The following SCN3B variants were observed in gnomAD, a reference collection of about 807,000 sequenced individuals.
SCN3B encodes the protein sodium voltage-gated channel beta subunit 3.
In SCN3B, 11 loss-of-function variants were observed where a neutral mutation model predicts 25.4. The ratio of observed to expected loss-of-function variants is 0.43; its 90% CI spans 0.27 to 0.72. SCN3B has a LOEUF of 0.72. Among genes scored for constraint, SCN3B ranks in the 30% least tolerant of loss-of-function variants. The pLI is 0.18. For synonymous variants in SCN3B, 109 were observed against 110.7 expected (o/e 0.99, Z 0.09); for missense variants, 218 against 278.3 (o/e 0.78, Z 1.54).
intron 5 of SCN3B, among the ~76,000 whole-genome samples, chr11:123,636,724 C>T (rs1955729624): frequency 6.6e-6 from 1 of 151,744 alleles, no homozygotes; most frequent in Non-Finnish European, 1.5e-5. Context: ...GATGGAGTCT[C>T]GCTCTGTCGC....
intron 6 of SCN3B, 92 bp downstream of exon 6, chr11:123,634,029 A>T (rs1024735921): frequency 3.2e-5 from 34 of 1,058,404 alleles, no homozygotes; most frequent in African/African-American, 4.7e-5. Context: ...CTAAGGGACC[A>T]AATTTAAAGT....
intron 5 of SCN3B, among the ~76,000 whole-genome samples, chr11:123,635,158 G>C (rs1282839657): frequency 2.0e-5 from 3 of 152,212 alleles, no homozygotes; most frequent in Non-Finnish European, 2.9e-5. Context: ...TTTAGTATGA[G>C]AGATGGGGAA....
At position 123,631,051 on chromosome 11, in the gene SCN3B, T is replaced by C. The variant is rs1955665856; in HGVS notation, c.*2748A>G. 1 of 152,138 alleles carries C rather than the reference T, an allele frequency of 6.6e-6. No homozygotes were observed. Among genetic ancestry groups the C allele is most frequent in the Admixed American group, 6.5e-5 (1 of 15,272 alleles). The allele number at this position is 152,138 out of a possible 1,614,324, so 9.4% of individuals were successfully genotyped here. A position where few individuals can be genotyped will look rare whatever the true frequency, so the allele number is the denominator to read the frequency against. ...GACCAGTTATAGAGAAGAAATAAAA[T>C]AGTTAAGTGAAAATACTTCGTAAAC... On this transcript the variant is annotated 3_prime_UTR_variant, in exon 7 of 7. Transcript: ENST00000299333.
At chr11:123,636,670 G>C (rs1955728144) in intron 5 of SCN3B, among the ~76,000 whole-genome samples, 1 of 150,110 alleles carries the variant, frequency 6.7e-6, no homozygotes, top group South Asian at 2.1e-4. Context: ...TCTGAACACT[G>C]TCTCTCCTCC....
intron 2 of SCN3B, among the ~76,000 whole-genome samples, chr11:123,652,013 T>C (rs1274799115): frequency 6.6e-6 from 1 of 152,224 alleles, no homozygotes; most frequent in African/African-American, 2.4e-5. Context: ...GAGACTCCAA[T>C]GCAGGTTGCA....
At chr11:123,643,796 T>C (rs60996286) in intron 3 of SCN3B, among the ~76,000 whole-genome samples, 5,508 of 152,332 alleles carry the variant, frequency 0.036, 324 homozygotes, top group African/African-American at 0.12. Context: ...GGCCTTTGCA[T>C]CTGGCCAAGA....
At chr11:123,653,890 T>G in intron 1 of SCN3B, 64 bp from the exon 2 acceptor site, 1 of 1,447,516 alleles carries the variant, frequency 6.9e-7, no homozygotes, top group East Asian at 2.3e-5. Flanking sequence ...GGAAACCCTT[T>G]GGGACGAACT....
chr11:123,642,813 G>C lies in SCN3B; in HGVS notation c.220-142C>G, dbSNP rs1037554685. 1 of 721,106 alleles carries C rather than the reference G, an allele frequency of 1.4e-6. No homozygotes were observed. Among genetic ancestry groups the C allele is most frequent in the Non-Finnish European group, 2.5e-6 (1 of 404,300 alleles). The allele number at this position is 721,106 out of a possible 1,614,324, so 44.7% of individuals were successfully genotyped here. On this transcript the variant is annotated intron_variant, in intron 3 of 6. Transcript: ENST00000299333. This position sits in a 1 kb window ranked among gnomAD's most constrained non-coding sequence, Gnocchi z 4.3. ...GGGGACAATGCCACCGGGAGACCCA[G>C]AATGTGGGGGTGGGATGAAGAGGCA...
chr11:123,644,801 ATATATATATATATATATAT>A (rs1238378214), intron 3 of SCN3B, among the ~76,000 whole-genome samples: 30 of 23,010 alleles, frequency 1.3e-3, no homozygotes, highest in African/African-American at 6.4e-3. Context: ...GAGAGAGAGA[ATATATATATATATATATAT>A]ATATATATAT....
At chr11:123,651,985 T>A (rs1345775188) in intron 2 of SCN3B, among the ~76,000 whole-genome samples, 1 of 152,222 alleles carries the variant, frequency 6.6e-6, no homozygotes, top group East Asian at 1.9e-4. Flanking sequence ...TGTTATATAG[T>A]AAGCTAGTGG....
At chr11:123,640,679 C>G (rs2137239320) in intron 4 of SCN3B, 2 of 152,300 alleles carry the variant, frequency 1.3e-5, no homozygotes, top group Admixed American at 1.3e-4. Context: ...GCAGAGAACT[C>G]TGTTCTCCCA....
At chr11:123,644,828 T>C (rs1955834746) in intron 3 of SCN3B, among the ~76,000 whole-genome samples, 1 of 97,816 alleles carries the variant, frequency 1.0e-5, no homozygotes, top group Admixed American at 1.1e-4. Context: ...TATATATATA[T>C]ATATATATAT....
At position 123,632,146 on chromosome 11, in the gene SCN3B, C is replaced by T. The variant is rs1955679742; in HGVS notation, c.*1653G>A. ...AAGTTTTTTCCAGTTTCTCTGCTCCCTCAAAATCTAGGGGAAAAAAATCTG... is the reference window on the plus strand; with the variant it reads ...AAGTTTTTTCCAGTTTCTCTGCTCCTTCAAAATCTAGGGGAAAAAAATCTG... On this transcript the variant is annotated 3_prime_UTR_variant, in exon 7 of 7. Transcript: ENST00000299333. 6.6e-6 allele frequency: 1 copy of T among 152,144 alleles called. No homozygotes were observed. The highest frequency in any genetic ancestry group is 2.1e-4 in the South Asian group (1 of 4,824). The allele number at this position is 152,144 out of a possible 1,614,324, so 9.4% of individuals were successfully genotyped here.
At position 123,634,055 on chromosome 11, in the gene SCN3B, C is replaced by T. The variant is rs181997832; in HGVS notation, c.*22+66G>A. 47 of 1,320,228 alleles carry T rather than the reference C, an allele frequency of 3.6e-5. No homozygotes were observed. In the East Asian group the frequency reaches 1.0e-3, roughly 29 times the overall value. The allele number at this position is 1,320,228 out of a possible 1,614,324, so 81.8% of individuals were successfully genotyped here. On this transcript the variant is annotated intron_variant, in intron 6 of 6. Coordinates refer to ENST00000299333, the MANE Select transcript of SCN3B (RefSeq NM_001040151.2). ...AATTTAAAGTCACTTCAGTTGTGGG[C>T]AACAAAGTCACTTGTACAACCTGCC...
rs1955691078 is a variant in SCN3B at position 123,633,141 on chromosome 11, G to A, written c.*658C>T. 6.6e-6 allele frequency: 1 copy of A among 152,182 alleles called. No individual in the cohort carries two copies. Among genetic ancestry groups the A allele is most frequent in the Admixed American group, 6.5e-5 (1 of 15,284 alleles). 9.4% of individuals were successfully genotyped at this position (152,182 alleles called of 1,614,324 possible). A position where few individuals can be genotyped will look rare whatever the true frequency, so the allele number is the denominator to read the frequency against. Reference sequence around the variant, plus strand: ...GGTCCTTCCCAAGTCTCCTGTCCTTGTCTTCTTGGAGGGAACCTTAGAGAC... The same window carrying A: ...GGTCCTTCCCAAGTCTCCTGTCCTTATCTTCTTGGAGGGAACCTTAGAGAC... On this transcript the variant is annotated 3_prime_UTR_variant, in exon 7 of 7. Coordinates refer to ENST00000299333, the MANE Select transcript of SCN3B (RefSeq NM_001040151.2).
At chr11:123,639,380 T>C (rs1331186078) in intron 4 of SCN3B, 3 of 151,872 alleles carry the variant, frequency 2.0e-5, no homozygotes, top group Non-Finnish European at 2.9e-5. Flanking sequence ...ACTTTTCTTT[T>C]CTCTTTTTTT....
At chr11:123,653,220 G>T (rs1404825005) in intron 2 of SCN3B, among the ~76,000 whole-genome samples, 2 of 151,782 alleles carry the variant, frequency 1.3e-5, no homozygotes, top group Admixed American at 1.3e-4. Context: ...ATATATAGCA[G>T]TAAATGGCTG....
intron 1 of SCN3B, 168 bp downstream of exon 1, chr11:123,654,058 C>G (rs1955964190): frequency 7.1e-6 from 4 of 567,100 alleles, no homozygotes; most frequent in Non-Finnish European, 1.3e-5. Flanking sequence ...CGCGCCCGCT[C>G]TCGCCGGCGC....
intron 6 of SCN3B, 53 bp downstream of exon 6, chr11:123,634,068 T>G (rs1374782819): frequency 7.0e-7 from 1 of 1,427,578 alleles, no homozygotes; most frequent in South Asian, 1.2e-5. Context: ...CAAAGTCACT[T>G]GTACAACCTG....
Sources: allele counts gnomAD v4.1 joint callset (sites outside exome capture counted in the v4.1 genomes callset), GRCh38; gene constraint gnomAD v4.1.1; non-coding constraint Gnocchi (gnomAD v3.1); transcripts MANE v1.5; gene names NCBI Gene and HGNC (gene_info 2026-07-23, HGNC 2026-07-21).